Variants in DNAH5 observed in about 807,000 individuals in gnomAD.
DNAH5 encodes the protein axonemal beta dynein heavy chain 5.
Under a neutral mutation model 518.2 loss-of-function variants are expected in DNAH5, and 372 were observed. The observed-to-expected ratio is 0.72, with a 90% CI of 0.66 to 0.78. The LOEUF (loss-of-function observed/expected upper bound fraction) is 0.78. DNAH5 is among the 30% of genes least tolerant of loss of function. DNAH5 has a pLI of 0.00. For missense variants in DNAH5, 5,523 were observed against 5,687.0 expected (o/e 0.97, Z 0.93); for synonymous variants, 2,039 against 2,025.9 (o/e 1.01, Z -0.17).
At position 13,758,917 on chromosome 5, in the gene DNAH5, C is replaced by A. The variant is rs758739748; in HGVS notation, c.10348G>T (p.Glu3450Ter). The A allele has an allele frequency of 4.3e-6, 7 of 1,614,138 alleles. No homozygotes were observed. Among genetic ancestry groups the A allele is most frequent in the Admixed American group, 1.7e-5 (1 of 60,020 alleles). Residue 3450 changes from glutamate (E) to a stop codon, truncating the protein, a stop_gained, in exon 61 of 79, where the codon GAG becomes TAG. Transcript: ENST00000265104. LOFTEE classifies it high-confidence loss of function. ...AMQDLQKAQA[E>*]LDDKQAELDV... ...AGTTCCGCCTGCTTGTCATCCAACTCGGCCTGGGCTTTCTGCAGATCCTGC... is the reference window on the plus strand; with the variant it reads ...AGTTCCGCCTGCTTGTCATCCAACTAGGCCTGGGCTTTCTGCAGATCCTGC...
intron 27 of DNAH5, among the ~76,000 whole-genome samples, chr5:13,865,406 T>C (rs961424662): frequency 1.3e-5 from 2 of 152,202 alleles, no homozygotes; most frequent in African/African-American, 4.8e-5. Context: ...ATAAGTGTAA[T>C]ATAAATAAAA....
chr5:13,705,603 T>A (rs1579828998), intron 76 of DNAH5, among the ~76,000 whole-genome samples: 1 of 152,120 alleles, frequency 6.6e-6, no homozygotes. Context: ...CCACTATGGG[T>A]TGAATTGTGT....
chr5:13,745,096 C>T (rs1227048861), intron 65 of DNAH5, among the ~76,000 whole-genome samples: 1 of 152,044 alleles, frequency 6.6e-6, no homozygotes, highest in Non-Finnish European at 1.5e-5. Context: ...ATCCCTGAGG[C>T]CTTGTATTGT....
At chr5:13,783,446 A>G (rs1580218409) in intron 52 of DNAH5, among the ~76,000 whole-genome samples, 1 of 152,138 alleles carries the variant, frequency 6.6e-6, no homozygotes, top group East Asian at 1.9e-4. Flanking sequence ...GGAGACAAAC[A>G]CACAGATAAA....
intron 53 of DNAH5, among the ~76,000 whole-genome samples, chr5:13,779,742 C>T (rs1458562674): frequency 6.6e-6 from 1 of 152,154 alleles, no homozygotes; most frequent in Non-Finnish European, 1.5e-5. Flanking sequence ...GCAGCACCAT[C>T]TAGATAGTTT....
intron 1 of DNAH5, among the ~76,000 whole-genome samples, chr5:13,992,349 T>G (rs559680649): frequency 5.4e-4 from 83 of 152,302 alleles, no homozygotes; most frequent in African/African-American, 2.0e-3. Flanking sequence ...AAATCACATT[T>G]AAGAAATTCA....
intron 30 of DNAH5, among the ~76,000 whole-genome samples, chr5:13,856,011 A>G (rs1471559222): frequency 1.3e-5 from 2 of 152,234 alleles, no homozygotes; most frequent in Admixed American, 6.5e-5. Context: ...TTAGAGGGAA[A>G]TTTATAGCAC....
intron 1 of DNAH5, among the ~76,000 whole-genome samples, chr5:13,973,217 T>C (rs1382769332): frequency 1.3e-5 from 2 of 152,210 alleles, no homozygotes; most frequent in African/African-American, 4.8e-5. Context: ...GGAATTCAGA[T>C]GACCTTTAGA....
intron 49 of DNAH5, among the ~76,000 whole-genome samples, chr5:13,793,132 G>T (rs1396364498): frequency 2.6e-5 from 4 of 152,162 alleles, no homozygotes; most frequent in Admixed American, 2.0e-4. Flanking sequence ...CTATGGGTTG[G>T]TTAAAGTATA....
In DNAH5 at chr5:13,882,754, A is replaced by G. The variant is rs1771847921; in HGVS notation, c.3236T>C (p.Val1079Ala). 3 of 1,613,872 alleles carry G rather than the reference A, an allele frequency of 1.9e-6. No homozygotes were observed. Among genetic ancestry groups the G allele is most frequent in the Non-Finnish European group, 2.5e-6 (3 of 1,179,860 alleles). Residue 1079 changes from valine (V) to alanine (A), a missense_variant, in exon 21 of 79, where the codon GTT (valine) becomes GCT (alanine). Physicochemically the swap from Val to Ala is moderately conservative, Grantham distance 64. This residue lies in a region of DNAH5 where 5,121 missense variants were observed against 5,223.3 expected (regional missense o/e 0.98). Transcript: ENST00000265104. ...LQSNEDSDSD[V>A]EMGENELQDT... is the part of the protein sequence containing the mutation. ...TTGAAGTTCATTTTCTCCCATTTCAACATCAGAATCACTGTCTTCATTACT... is the reference window on the plus strand; with the variant it reads ...TTGAAGTTCATTTTCTCCCATTTCAGCATCAGAATCACTGTCTTCATTACT...
rs1760151074 is a variant in DNAH5 at position 13,809,053 on chromosome 5, T to A, written c.7743A>T (p.Lys2581Asn). 1 of 1,614,052 alleles carries A rather than the reference T, an allele frequency of 6.2e-7. No individual in the cohort carries two copies. Among genetic ancestry groups the A allele is most frequent in the South Asian group, 1.1e-5 (1 of 91,082 alleles). Residue 2581 changes from lysine to asparagine, a missense_variant, in exon 46 of 79, where the codon AAA (lysine) becomes AAT (asparagine). Physicochemically the swap from Lys to Asn is moderately conservative, Grantham distance 94. Transcript: ENST00000265104. ...AAATTAAAAGTCATACCTTGCCCTG[T>A]TTAGCAATGGTTTGAATTAGAAAGT... The part of the protein sequence containing the change: ...RTDFLIQTIA[K>N]QGKAVLLIGE...
chr5:13,729,808 C>A (rs1287154519), intron 68 of DNAH5, among the ~76,000 whole-genome samples: 1 of 152,092 alleles, frequency 6.6e-6, no homozygotes, highest in Non-Finnish European at 1.5e-5. Context: ...CCTAGCTTCC[C>A]CTGGACAAGG....
intron 65 of DNAH5, among the ~76,000 whole-genome samples, chr5:13,738,222 T>C (rs536760700): frequency 6.6e-6 from 1 of 151,208 alleles, no homozygotes; most frequent in East Asian, 1.9e-4. Flanking sequence ...CAGTTTCAAG[T>C]GATTGCTGTG....
intron 47 of DNAH5, among the ~76,000 whole-genome samples, chr5:13,801,691 G>A (rs572784601): frequency 9.9e-5 from 15 of 152,156 alleles, no homozygotes; most frequent in African/African-American, 3.6e-4. Flanking sequence ...CTTTCTAAAG[G>A]GCAATGCAAT....
At position 13,810,025 on chromosome 5, in the gene DNAH5, C is replaced by T. The variant is rs970396721; in HGVS notation, c.7609+34G>A. ...TGGCCATGTAGGAAAGAACGGCCCC[C>T]ATGGGTTCCGTCTGGACGGGCAGGT... On this transcript the variant is annotated intron_variant, in intron 45 of 78. Coordinates refer to ENST00000265104, the MANE Select transcript of DNAH5 (RefSeq NM_001369.3). 5 of 1,546,204 alleles carry T rather than the reference C, an allele frequency of 3.2e-6. No homozygotes were observed. The East Asian group carries it at 1.2e-4, about 38-fold the overall frequency.
intron 1 of DNAH5, among the ~76,000 whole-genome samples, chr5:13,960,546 T>G (rs958772917): frequency 1.3e-5 from 2 of 152,268 alleles, no homozygotes; most frequent in African/African-American, 4.8e-5. Context: ...AATGGCAGAC[T>G]TGAGCAGTTA....
chr5:13,785,878 T>A (rs1433732923), intron 52 of DNAH5, among the ~76,000 whole-genome samples: 1 of 152,220 alleles, frequency 6.6e-6, no homozygotes, highest in Admixed American at 6.5e-5. Flanking sequence ...ACTTTGCCTG[T>A]GCTCTGAACT....
At chr5:13,728,763 G>C (rs1201301508) in intron 69 of DNAH5, among the ~76,000 whole-genome samples, 1 of 152,152 alleles carries the variant, frequency 6.6e-6, no homozygotes, top group Non-Finnish European at 1.5e-5. Context: ...CTTATAGCTG[G>C]ATAAAGCCAC....
rs2127007001 is a variant in DNAH5, at chr5:13,809,158, G to C, written c.7638C>G (p.Thr2546=). ...DGTWTHWNTR[T]QEYLYPSDTT... The stretch of plus-strand genomic sequence containing the variant: ...TATCAGACGGATACAGGTATTCCTG[G>C]GTACGCGTGTTCCAGTGCGTCCATG... The change falls in exon 46 of 79, where the codon ACC becomes ACG. Residue 2546 remains threonine (T), a synonymous_variant. Coordinates refer to ENST00000265104, the MANE Select transcript of DNAH5 (RefSeq NM_001369.3). 1 of 1,614,040 alleles carries C rather than the reference G, an allele frequency of 6.2e-7. No homozygotes were observed.
Sources: gnomAD v4.1 joint callset for allele counts (sites outside exome capture counted in the v4.1 genomes callset) on GRCh38, gnomAD v4.1.1 for gene constraint, gnomAD v4.1.1 regional missense constraint, MANE v1.5 for transcripts, NCBI Gene and HGNC (gene_info 2026-07-23, HGNC 2026-07-21) for gene names.